The following NME8 variants were observed in gnomAD, a reference collection of about 807,000 sequenced individuals.
NME8 encodes NME/NM23 family member 8, also known as protein NME8.
In NME8, 72 loss-of-function variants were observed where a neutral mutation model predicts 82.3. That is an observed-to-expected ratio of 0.87 (90% CI 0.72 to 1.06). NME8 has a LOEUF of 1.06. Ranked by LOEUF, NME8 falls within the 50% of genes least tolerant of loss-of-function variation. NME8 has a pLI of 0.00. For missense variants in NME8, 712 were observed against 685.4 expected, an observed-to-expected ratio of 1.04 and a Z score of -0.43; for synonymous variants, 267 against 228.5, an observed-to-expected ratio of 1.17 and a Z score of -1.52.
chr7:37,899,863 C>T (rs1380578274), intron 17 of NME8, among the ~76,000 whole-genome samples: 1 of 152,118 alleles, frequency 6.6e-6, no homozygotes, highest in East Asian at 1.9e-4. Context: ...CCACAACCCT[C>T]GCCTTTACAC....
At chr7:37,879,025 C>A (rs1305723134) in intron 12 of NME8, among the ~76,000 whole-genome samples, 4 of 152,092 alleles carry the variant, frequency 2.6e-5, no homozygotes, top group Admixed American at 2.6e-4. Flanking sequence ...ACCTACTAAT[C>A]TCTTTCTCTC....
chr7:37,897,365 C>T (rs1785245619), intron 17 of NME8, among the ~76,000 whole-genome samples: 1 of 152,078 alleles, frequency 6.6e-6, no homozygotes, highest in Non-Finnish European at 1.5e-5. Flanking sequence ...ATGGAGACAA[C>T]AGGGCAAGCA....
intron 7 of NME8, 40 bp downstream of exon 7, chr7:37,862,184 T>C (rs1314304971): frequency 7.4e-7 from 1 of 1,350,504 alleles, no homozygotes; most frequent in East Asian, 2.3e-5. Context: ...GACAAGCTTA[T>C]CATTTAGAGT....
chr7:37,896,818 G>A (rs1406154238), intron 16 of NME8, 52 bp from the exon 17 acceptor site: 1 of 1,478,292 alleles, frequency 6.8e-7, no homozygotes, highest in Non-Finnish European at 9.5e-7. Flanking sequence ...CTTGTTTGCA[G>A]TGTCAACAGT....
At chr7:37,851,932 T>A (rs187793108) in intron 5 of NME8, among the ~76,000 whole-genome samples, 87 of 152,298 alleles carry the variant, frequency 5.7e-4, no homozygotes, top group Non-Finnish European at 1.0e-3. Flanking sequence ...ACTGACCTTG[T>A]ATTTCACTAT....
At chr7:37,889,001 T>G (rs1329686314) in intron 15 of NME8, among the ~76,000 whole-genome samples, 2 of 151,962 alleles carry the variant, frequency 1.3e-5, no homozygotes, top group Non-Finnish European at 2.9e-5. Flanking sequence ...TCCAAAAGAG[T>G]GTAAGCAGCA....
In NME8 at chr7:37,876,229, T is replaced by TAGATAG. The variant is rs1554364686; in HGVS notation, c.819-602_819-601insGATAGA. 2.5e-3 allele frequency among the ~76,000 whole-genome samples: 362 copies of TAGATAG among 146,194 alleles called. 3 individuals carry two copies. Among genetic ancestry groups the TAGATAG allele is most frequent in the African/African-American group, 8.8e-3 (346 of 39,446 alleles). ...CTCAAAAAAACACTATATATATATA[T>TAGATAG]ATAGATAGATAGATAGATAGATAGA... On this transcript the variant is annotated intron_variant, in intron 11 of 17. Transcript: ENST00000199447.
chr7:37,857,246 T>C, intron 5 of NME8, 28 bp from the exon 6 acceptor site: 1 of 1,523,380 alleles, frequency 6.6e-7, no homozygotes, highest in Non-Finnish European at 9.1e-7. Flanking sequence ...TTTTATTTAT[T>C]ATTATATGAA....
chr7:37,870,511 C>G (rs747845867), intron 11 of NME8, among the ~76,000 whole-genome samples: 4 of 149,732 alleles, frequency 2.7e-5, no homozygotes, highest in Non-Finnish European at 5.9e-5. Flanking sequence ...ATCGCTTGAA[C>G]CTGGGAGGTA....
At chr7:37,888,614 T>C (rs956128950) in intron 15 of NME8, among the ~76,000 whole-genome samples, 186 bp downstream of exon 15, 2 of 152,124 alleles carry the variant, frequency 1.3e-5, no homozygotes, top group African/African-American at 4.8e-5. Context: ...TTGCTATCTC[T>C]CTCACCTCTC....
chr7:37,880,796 T>G (rs1784932670), intron 12 of NME8, among the ~76,000 whole-genome samples: 1 of 117,684 alleles, frequency 8.5e-6, no homozygotes, highest in Middle Eastern at 4.0e-3. Context: ...TTTATTTAGA[T>G]CTTTGATTTT....
chr7:37,873,610 T>A (rs1320165032), intron 11 of NME8, among the ~76,000 whole-genome samples: 4 of 152,182 alleles, frequency 2.6e-5, no homozygotes, highest in Admixed American at 2.0e-4. Context: ...TCAAAATTGA[T>A]CTCCACTCTA....
chr7:37,890,370 T>C (rs895721503), intron 15 of NME8, among the ~76,000 whole-genome samples: 1 of 152,006 alleles, frequency 6.6e-6, no homozygotes, highest in East Asian at 1.9e-4. Context: ...TTGATACATG[T>C]ACACATTATG....
At chr7:37,882,171 C>A (rs565324535) in intron 12 of NME8, among the ~76,000 whole-genome samples, 113 of 152,178 alleles carry the variant, frequency 7.4e-4, no homozygotes, top group African/African-American at 2.3e-3. Context: ...TAGAAATTTG[C>A]CTGTGATTGA....
chr7:37,854,098 AG>A (rs56341413), intron 5 of NME8, among the ~76,000 whole-genome samples: 147,973 of 152,028 alleles, frequency 0.97, 72,033 homozygotes, highest in East Asian at 1. Flanking sequence ...CTCCACCAAA[AG>A]CTTAACTACT....
At chr7:37,868,052 C>A (rs952503953) in intron 11 of NME8, among the ~76,000 whole-genome samples, 154 bp downstream of exon 11, 1 of 152,172 alleles carries the variant, frequency 6.6e-6, no homozygotes, top group Non-Finnish European at 1.5e-5. Context: ...TTCAGAAGAG[C>A]TGTGTGCCAG....
Position 37,897,029 on chromosome 7 carries a change from A to T in NME8, c.1704A>T (p.Ala568=). 6.2e-7 allele frequency: 1 copy of T among 1,613,980 alleles called. No individual in the cohort carries two copies. The highest frequency in any genetic ancestry group is 1.1e-5 in the South Asian group (1 of 91,086). ...AATTGAAAAACATTGTCCATGGAGC[A>T]TCTAACGCCTATGAAGCAAAAGAGG... The part of the protein sequence containing the change: ...ISKLKNIVHG[A]SNAYEAKEVV... Residue 568 remains alanine (A), a synonymous_variant, in exon 17 of 18, where the codon GCA becomes GCT. Coordinates refer to ENST00000199447, the MANE Select transcript of NME8 (RefSeq NM_016616.5).
At chr7:37,895,920 C>A (rs1255836071) in intron 16 of NME8, among the ~76,000 whole-genome samples, 2 of 152,132 alleles carry the variant, frequency 1.3e-5, no homozygotes, top group Non-Finnish European at 2.9e-5. Context: ...GCTATTCTAT[C>A]TAGGTTTCTG....
At chr7:37,865,749 G>T in intron 10 of NME8, 132 bp downstream of exon 10, 1 of 676,776 alleles carries the variant, frequency 1.5e-6, no homozygotes, top group East Asian at 2.8e-5. Flanking sequence ...GTCCCTGTTG[G>T]TGTCCATATC....
Sources: allele counts gnomAD v4.1 joint callset (sites outside exome capture counted in the v4.1 genomes callset), GRCh38; gene constraint gnomAD v4.1.1; transcripts MANE v1.5; gene names NCBI Gene and HGNC (gene_info 2026-07-23, HGNC 2026-07-21).